The following AKR1C1 variants were observed in gnomAD, a reference collection of about 807,000 sequenced individuals.
AKR1C1 encodes aldo-keto reductase family 1 member C1.
In AKR1C1, 32 loss-of-function variants were observed where a neutral mutation model predicts 40.6. The ratio of observed to expected loss-of-function variants is 0.79; its 90% CI spans 0.60 to 1.06. The LOEUF (loss-of-function observed/expected upper bound fraction) is 1.06. Ranked by LOEUF, AKR1C1 falls within the 50% of genes least tolerant of loss-of-function variation. The probability of loss-of-function intolerance (pLI) is 0.00; values close to 1 mark genes in which losing one functional copy is unlikely to be tolerated. For synonymous variants in AKR1C1, 105 were observed against 134.2 expected (o/e 0.78, Z 1.50); for missense variants, 320 against 363.5 (o/e 0.88, Z 0.97).
intron 5 of AKR1C1, among the ~76,000 whole-genome samples, chr10:4,971,522 T>A (rs1326675810): frequency 2.8e-5 from 4 of 142,524 alleles, no homozygotes; most frequent in Non-Finnish European, 6.0e-5. Context: ...TATATATATA[T>A]AAAATATATA....
At position 4,979,119 on chromosome 10, in the gene AKR1C1, G is replaced by C. The variant is rs1436719655; in HGVS notation, c.*1377G>C. Reference sequence around the variant, plus strand: ...CTCAAGCCATGTCTCAGAGCTGAGAGGCATCCCAGCAAGTTTTGCAGCTCA... The same window carrying C: ...CTCAAGCCATGTCTCAGAGCTGAGACGCATCCCAGCAAGTTTTGCAGCTCA... On this transcript the variant is annotated 3_prime_UTR_variant, in exon 9 of 9. Coordinates refer to ENST00000380872, the MANE Select transcript of AKR1C1 (RefSeq NM_001353.6). The C allele has an allele frequency of 6.6e-6, 1 of 152,158 alleles. No homozygotes were observed. Among genetic ancestry groups the C allele is most frequent in the Admixed American group, 6.5e-5 (1 of 15,280 alleles). 9.4% of individuals were successfully genotyped at this position (152,158 alleles called of 1,614,324 possible).
intron 5 of AKR1C1, among the ~76,000 whole-genome samples, chr10:4,971,580 A>G (rs7916500): frequency 0.33 from 48,791 of 146,446 alleles, 9,144 homozygotes; most frequent in African/African-American, 0.51. Context: ...TGTAAAAGAC[A>G]AAAGCACTTG....
intron 5 of AKR1C1, chr10:4,969,746 C>G: frequency 6.2e-7 from 1 of 1,611,002 alleles, no homozygotes; most frequent in Non-Finnish European, 8.5e-7. Flanking sequence ...AATTGACTGT[C>G]CCCAAATGTT....
intron 5 of AKR1C1, chr10:4,969,828 T>G (rs1836395817): frequency 7.4e-7 from 1 of 1,350,260 alleles, no homozygotes; most frequent in Non-Finnish European, 1.0e-6. Context: ...TTTTATGTTT[T>G]AAAACTTAGA....
rs574780655 is a variant in AKR1C1, at chr10:4,983,113, T to G, written c.*5371T>G. Reference sequence around the variant, plus strand: ...AGGATGAAGAACTGCACGGAGGAGATGGAGGCACCCAGACAGATGCCCCAT... The same window carrying G: ...AGGATGAAGAACTGCACGGAGGAGAGGGAGGCACCCAGACAGATGCCCCAT... On this transcript the variant is annotated 3_prime_UTR_variant, in exon 9 of 9. Transcript: ENST00000380872. The G allele has an allele frequency of 2.3e-5, 7 of 309,014 alleles. No individual in the cohort carries two copies. The highest frequency in any genetic ancestry group is 4.4e-5 in the Non-Finnish European group (7 of 158,102). The allele number at this position is 309,014 out of a possible 1,614,324, so 19.1% of individuals were successfully genotyped here. A position where few individuals can be genotyped will look rare whatever the true frequency, so the allele number is the denominator to read the frequency against.
Position 4,968,811 on chromosome 10 carries a change from C to G in AKR1C1, c.448-11C>G, listed in dbSNP as rs774163276. On this transcript the variant is annotated splice_polypyrimidine_tract_variant and intron_variant, in intron 4 of 8. Transcript: ENST00000380872. ...CTTGATCTTCCACACCTCACAATTCCTTTTTCCCAGGCCGTGGAGAAGTGT... is the reference window on the plus strand; with the variant it reads ...CTTGATCTTCCACACCTCACAATTCGTTTTTCCCAGGCCGTGGAGAAGTGT... 15 of 1,613,912 alleles carry G rather than the reference C, an allele frequency of 9.3e-6. No homozygotes were observed. Among genetic ancestry groups the G allele is most frequent in the Admixed American group, 6.7e-5 (4 of 60,010 alleles).
chr10:4,975,176 A>G (rs543966678), intron 7 of AKR1C1, among the ~76,000 whole-genome samples: 1 of 152,212 alleles, frequency 6.6e-6, no homozygotes, highest in African/African-American at 2.4e-5. Context: ...TTAAAAGAAT[A>G]ATGCAACAAA....
In AKR1C1 at chr10:4,982,980, AG is replaced by A. The variant is rs1836643949; in HGVS notation, c.*5241del. 2 of 448,618 alleles carry A rather than the reference AG, an allele frequency of 4.5e-6. No individual in the cohort carries two copies. Among genetic ancestry groups the A allele is most frequent in the South Asian group, 3.1e-5 (2 of 63,566 alleles). The allele number at this position is 448,618 out of a possible 1,614,324, so 27.8% of individuals were successfully genotyped here. On this transcript the variant is annotated 3_prime_UTR_variant, in exon 9 of 9. Transcript: ENST00000380872. ...CAGCACACTAAGCCTATCTACAGCC[AG>A]GGAGTCTCAGAGTCTACGTCACTCC... is the stretch of plus-strand genomic sequence containing the variant.
chr10:4,965,909 C>T lies in AKR1C1; in HGVS notation c.85-5C>T, dbSNP rs1262508720. On this transcript the variant is annotated splice_polypyrimidine_tract_variant and splice_region_variant and intron_variant, in intron 1 of 8. Coordinates refer to ENST00000380872, the MANE Select transcript of AKR1C1 (RefSeq NM_001353.6). ...AGAAAATACTACCTATGGTTACTCCCCCAGGTTCCTAAAAGTAAAGCTTTA... is the reference window on the plus strand; with the variant it reads ...AGAAAATACTACCTATGGTTACTCCTCCAGGTTCCTAAAAGTAAAGCTTTA... 2 of 1,613,084 alleles carry T rather than the reference C, an allele frequency of 1.2e-6. No homozygotes were observed. The highest frequency in any genetic ancestry group is 1.7e-5 in the Admixed American group (1 of 59,810).
In AKR1C1 at chr10:4,978,910, GC is replaced by G; in HGVS notation, c.*1169del. The G allele has an allele frequency of 6.6e-6, 1 of 152,306 alleles. No homozygotes were observed. The highest frequency in any genetic ancestry group is 2.1e-4 in the South Asian group (1 of 4,824). The allele number at this position is 152,306 out of a possible 1,614,324, so 9.4% of individuals were successfully genotyped here. The stretch of plus-strand genomic sequence containing the variant: ...ATTTTCAGGGGACCTAAGTTAATCA[GC>G]TAATCATGAAGACATGATTTTCATT... On this transcript the variant is annotated 3_prime_UTR_variant, in exon 9 of 9. Transcript: ENST00000380872.
chr10:4,972,135 T>G, intron 5 of AKR1C1, 66 bp from the exon 6 acceptor site: 3 of 1,602,518 alleles, frequency 1.9e-6, no homozygotes, highest in East Asian at 4.5e-5. Context: ...TTCTTTTACT[T>G]TGGTGATTTT....
At chr10:4,969,007 A>C in intron 5 of AKR1C1, 63 bp downstream of exon 5, 1 of 1,611,932 alleles carries the variant, frequency 6.2e-7, no homozygotes, top group Admixed American at 1.7e-5. Context: ...CCTATTGCCA[A>C]GTATCCATTC....
At chr10:4,969,948 G>C in intron 5 of AKR1C1, 1 of 490,880 alleles carries the variant, frequency 2.0e-6, no homozygotes, top group Non-Finnish European at 3.6e-6. Flanking sequence ...AATTAATGTG[G>C]TTTTAATACT....
At chr10:4,973,591 A>G (rs1554770136) in intron 7 of AKR1C1, among the ~76,000 whole-genome samples, 1 of 152,002 alleles carries the variant, frequency 6.6e-6, no homozygotes, top group Non-Finnish European at 1.5e-5. Flanking sequence ...AAATTCTATC[A>G]CCTAATGCAA....
At chr10:4,967,344 T>C in intron 3 of AKR1C1, 3 of 1,111,408 alleles carry the variant, frequency 2.7e-6, no homozygotes, top group Non-Finnish European at 3.3e-6. Flanking sequence ...TGATTTCACC[T>C]CTTGGGATGT....
chr10:4,969,630 A>G (rs746770981), intron 5 of AKR1C1: 25 of 1,597,792 alleles, frequency 1.6e-5, no homozygotes, highest in Non-Finnish European at 2.0e-5. Context: ...CTGTCATGCA[A>G]TCAGCTGCTT....
chr10:4,965,351 A>T (rs1212716692), intron 1 of AKR1C1: 1 of 152,210 alleles, frequency 6.6e-6, no homozygotes, highest in African/African-American at 2.4e-5. Flanking sequence ...AGCTCACTGC[A>T]AGCTCCGCCT....
rs113531445 is a variant in AKR1C1 at position 4,966,796 on chromosome 10, AAGAG to A, written c.253-125_253-122del. ...ATGGCAGAACAAAAGGCATCACAAG[AAGAG>A]AGAGAATAATTTTGCCTGTGGTCAT... On this transcript the variant is annotated intron_variant, in intron 2 of 8. Transcript: ENST00000380872. 16 of 403,312 alleles carry A rather than the reference AAGAG, an allele frequency of 4.0e-5. No homozygotes were observed. In the East Asian group the frequency reaches 5.2e-4, roughly 13 times the overall value. The allele number at this position is 403,312 out of a possible 1,614,324, so 25.0% of individuals were successfully genotyped here.
chr10:4,964,928 C>A (rs1194877296), intron 1 of AKR1C1, among the ~76,000 whole-genome samples: 1 of 152,226 alleles, frequency 6.6e-6, no homozygotes, highest in Non-Finnish European at 1.5e-5. Flanking sequence ...GGATTTCTCA[C>A]TATTTCCTAA....
Sources: allele counts gnomAD v4.1 joint callset (sites outside exome capture counted in the v4.1 genomes callset), GRCh38; gene constraint gnomAD v4.1.1; transcripts MANE v1.5; gene names NCBI Gene and HGNC (gene_info 2026-07-23, HGNC 2026-07-21).